NEGR1: variants seen among roughly 807,000 people sequenced by gnomAD.
NEGR1 encodes IgLON family member 4.
Under a neutral mutation model 40.9 loss-of-function variants are expected in NEGR1, and 10 were observed. The observed-to-expected ratio is 0.24, with a 90% confidence interval of 0.15 to 0.42. The LOEUF (loss-of-function observed/expected upper bound fraction) is 0.42, where lower values mean the gene tolerates loss of function less well. NEGR1 is among the 10% of genes least tolerant of loss of function. The pLI, the probability that NEGR1 is intolerant of heterozygous loss-of-function variation, is 1.00. For synonymous variants in NEGR1, 185 were observed against 166.8 expected, an observed-to-expected ratio of 1.11 and a Z score of -0.84; for missense variants, 352 against 438.9, an observed-to-expected ratio of 0.80 and a Z score of 1.77.
At chr1:72,112,552 C>A (rs1246817497) in intron 1 of NEGR1, among the ~76,000 whole-genome samples, 1 of 151,644 alleles carries the variant, frequency 6.6e-6, no homozygotes, top group South Asian at 2.1e-4. Flanking sequence ...TGTTAGGTTT[C>A]TTCCTCCTTG....
At chr1:71,989,320 C>T (rs1646430278) in intron 1 of NEGR1, among the ~76,000 whole-genome samples, 1 of 152,130 alleles carries the variant, frequency 6.6e-6, no homozygotes, top group Non-Finnish European at 1.5e-5. Context: ...ATTAGATCAA[C>T]ATTTTAAAAA....
intron 6 of NEGR1, among the ~76,000 whole-genome samples, chr1:71,519,594 G>A (rs1182032093): frequency 2.7e-5 from 3 of 111,912 alleles, no homozygotes; most frequent in Non-Finnish European, 3.6e-5. Flanking sequence ...TTGGGGGAGG[G>A]GGGAGGGATA....
chr1:71,511,401 T>A (rs1324376814), intron 6 of NEGR1, among the ~76,000 whole-genome samples: 1 of 152,212 alleles, frequency 6.6e-6, no homozygotes, highest in Admixed American at 6.5e-5. Flanking sequence ...CCATTTTCTT[T>A]CAAAATATGT....
At chr1:71,642,988 T>C (rs941686415) in intron 4 of NEGR1, among the ~76,000 whole-genome samples, 38 of 151,884 alleles carry the variant, frequency 2.5e-4, no homozygotes, top group African/African-American at 9.2e-4. Context: ...AGAAAGTTCA[T>C]AATAAAGAAG....
chr1:72,101,999 T>A (rs372331406), intron 1 of NEGR1, among the ~76,000 whole-genome samples: 1 of 152,120 alleles, frequency 6.6e-6, no homozygotes, highest in Admixed American at 6.6e-5. Context: ...TATTTTCTCA[T>A]GATCTCTTAT....
chr1:71,537,366 T>A (rs369321903), intron 6 of NEGR1, among the ~76,000 whole-genome samples: 4 of 151,704 alleles, frequency 2.6e-5, no homozygotes, highest in African/African-American at 9.7e-5. Flanking sequence ...TATAATTACT[T>A]AAATGGGGAC....
chr1:72,091,108 T>C (rs1217503739), intron 1 of NEGR1, among the ~76,000 whole-genome samples: 1 of 152,154 alleles, frequency 6.6e-6, no homozygotes, highest in African/African-American at 2.4e-5. Flanking sequence ...GTCAGAGTTT[T>C]CCAACCCTCT....
chr1:71,540,281 ATG>A (rs544960471), intron 6 of NEGR1, among the ~76,000 whole-genome samples: 89 of 151,920 alleles, frequency 5.9e-4, no homozygotes, highest in Admixed American at 1.0e-3. Flanking sequence ...AATAAAGGGA[ATG>A]TGGTCAAGGA....
chr1:72,088,796 C>CTTTTTTTTTTTTTTTTTTTTTTTTTT (rs71074816), intron 1 of NEGR1, among the ~76,000 whole-genome samples: 10 of 74,906 alleles, frequency 1.3e-4, no homozygotes, highest in Non-Finnish European at 2.5e-4. Context: ...CTCTCTCTCT[C>CTTTTTTTTTTTTTTTTTTTTTTTTTT]TTTTTTTTTT....
At chr1:71,897,081 A>G (rs960498104) in intron 2 of NEGR1, among the ~76,000 whole-genome samples, 2 of 152,128 alleles carry the variant, frequency 1.3e-5, no homozygotes, top group African/African-American at 4.8e-5. Flanking sequence ...TTCCTTTTTT[A>G]ATCTCACAGT....
In NEGR1 at chr1:71,568,403, C is replaced by A. The variant is rs550064137; in HGVS notation, c.940+24414G>T. ...ATTCTCTTGACAAACAGGGAGAGAA[C>A]TTGGGAAAAGCAGGAAGAAGGCCAG... On this transcript the variant is annotated intron_variant, in intron 6 of 6. Transcript: ENST00000357731. Among the ~76,000 whole-genome samples the A allele has an allele frequency of 3.9e-5, 6 of 152,242 alleles. No homozygotes were observed. The East Asian group carries it at 9.7e-4, about 25-fold the overall frequency.
At chr1:72,088,629 A>C (rs942986398) in intron 1 of NEGR1, among the ~76,000 whole-genome samples, 3 of 152,080 alleles carry the variant, frequency 2.0e-5, no homozygotes, top group Non-Finnish European at 4.4e-5. Flanking sequence ...AAATAGCAAA[A>C]TCAAGGATAC....
chr1:71,679,061 C>G (rs1652740373), intron 4 of NEGR1, among the ~76,000 whole-genome samples: 2 of 152,174 alleles, frequency 1.3e-5, no homozygotes, highest in South Asian at 2.1e-4. Context: ...GAAAATGAAA[C>G]AGATCTGGCT....
intron 2 of NEGR1, among the ~76,000 whole-genome samples, chr1:71,834,811 T>C (rs1658962052): frequency 6.6e-6 from 1 of 151,908 alleles, no homozygotes; most frequent in Non-Finnish European, 1.5e-5. Flanking sequence ...CTTGCTATGT[T>C]ACAATAACAG....
At chr1:71,884,852 G>C (rs995167023) in intron 2 of NEGR1, among the ~76,000 whole-genome samples, 1 of 152,118 alleles carries the variant, frequency 6.6e-6, no homozygotes, top group African/African-American at 2.4e-5. Context: ...ACTTGTTTTT[G>C]ATCTTATTTC....
intron 1 of NEGR1, among the ~76,000 whole-genome samples, chr1:72,187,486 G>C (rs933909834): frequency 6.6e-6 from 1 of 151,270 alleles, no homozygotes; most frequent in Non-Finnish European, 1.5e-5. Flanking sequence ...ACAGATCACT[G>C]AAAATTCAAA....
chr1:71,572,714 C>T (rs1356137203), intron 6 of NEGR1, among the ~76,000 whole-genome samples: 2 of 152,098 alleles, frequency 1.3e-5, no homozygotes, highest in African/African-American at 4.8e-5. Context: ...CTAACCTACT[C>T]GACGTTGGAG....
At chr1:71,563,154 C>T (rs1358990562) in intron 6 of NEGR1, among the ~76,000 whole-genome samples, 1 of 151,948 alleles carries the variant, frequency 6.6e-6, no homozygotes, top group Non-Finnish European at 1.5e-5. Context: ...AGTGCTTGTT[C>T]TCCATGAAAC....
Position 71,418,594 on chromosome 1 carries a change from T to C in NEGR1, c.941-11024A>G, listed in dbSNP as rs202006344. On this transcript the variant is annotated intron_variant, in intron 6 of 6. Transcript: ENST00000357731. ...GCCTCTTTTACTTGGAATTACCTTC[T>C]TCTACTTCCTCCCAATTCTCCCTCC... is the stretch of plus-strand genomic sequence containing the variant. Among the ~76,000 whole-genome samples, 723 of 152,288 alleles carry C rather than the reference T, an allele frequency of 4.7e-3. 8 individuals carry two copies. Among genetic ancestry groups the C allele is most frequent in the African/African-American group, 0.017 (696 of 41,570 alleles).
Sources: gnomAD v4.1 joint callset for allele counts (sites outside exome capture counted in the v4.1 genomes callset) on GRCh38, gnomAD v4.1.1 for gene constraint, MANE v1.5 for transcripts, NCBI Gene and HGNC (gene_info 2026-07-23, HGNC 2026-07-21) for gene names.